FREM1: variants seen among roughly 807,000 people sequenced by gnomAD.
The protein encoded by FREM1 is FRAS1-related extracellular matrix protein 1.
Under a neutral mutation model 210.1 loss-of-function variants are expected in FREM1, and 220 were observed. The observed-to-expected ratio is 1.05, with a 90% CI of 0.94 to 1.17. FREM1 has a LOEUF of 1.17. Among genes scored for constraint, FREM1 ranks in the 50% most tolerant of loss-of-function variants. FREM1 has a pLI of 0.00. For synonymous variants in FREM1, 1,189 were observed against 980.2 expected (o/e 1.21, Z -3.98); for missense variants, 3,454 against 2,675.5 (o/e 1.29, Z -6.42).
chr9:14,752,668 T>C (rs188796616), intron 29 of FREM1, among the ~76,000 whole-genome samples: 50 of 152,270 alleles, frequency 3.3e-4, no homozygotes, highest in African/African-American at 1.1e-3. Context: ...CATGAAAAGA[T>C]AAGAGGTGGT....
Position 14,841,436 on chromosome 9 carries a change from C to G in FREM1, c.1881+11G>C. The G allele has an allele frequency of 6.3e-7, 1 of 1,578,764 alleles. No individual in the cohort carries two copies. Among genetic ancestry groups the G allele is most frequent in the Non-Finnish European group, 8.6e-7 (1 of 1,156,452 alleles). On this transcript the variant is annotated intron_variant, in intron 10 of 36. Coordinates refer to ENST00000380880, the MANE Select transcript of FREM1 (RefSeq NM_001379081.2). ...AAGACTTTGGGAAAGTGTTCAGAAACAGTCTCTTACCTGTGGCACTGAAAG... is the reference window on the plus strand; with the variant it reads ...AAGACTTTGGGAAAGTGTTCAGAAAGAGTCTCTTACCTGTGGCACTGAAAG...
At chr9:14,857,530 C>G (rs758281070) in intron 5 of FREM1, 23 bp downstream of exon 5, 3 of 1,592,838 alleles carry the variant, frequency 1.9e-6, no homozygotes, top group African/African-American at 2.7e-5. Context: ...CTGGGGGCAC[C>G]CACACATAAC....
chr9:14,748,993 A>C (rs1842907410), intron 30 of FREM1, among the ~76,000 whole-genome samples: 1 of 152,230 alleles, frequency 6.6e-6, no homozygotes, highest in Admixed American at 6.5e-5. Flanking sequence ...CTGATCAAGC[A>C]TTATTCCACA....
chr9:14,741,308 T>A (rs975835624), intron 35 of FREM1, among the ~76,000 whole-genome samples: 1 of 152,240 alleles, frequency 6.6e-6, no homozygotes, highest in Non-Finnish European at 1.5e-5. Context: ...TCTCTGCTTT[T>A]CCAGACTAGA....
At chr9:14,764,738 A>ACCCC in intron 27 of FREM1, among the ~76,000 whole-genome samples, 1 of 152,128 alleles carries the variant, frequency 6.6e-6, no homozygotes, top group South Asian at 2.1e-4. Flanking sequence ...CTATAGTGCC[A>ACCCC]ATGTTGAGAC....
intron 1 of FREM1, among the ~76,000 whole-genome samples, chr9:14,874,655 T>G (rs187913032): frequency 4.7e-4 from 71 of 152,150 alleles, no homozygotes; most frequent in African/African-American, 1.7e-3. Flanking sequence ...TTGGAGCATT[T>G]AGTCCATTGA....
chr9:14,870,327 G>A (rs555282776), intron 1 of FREM1, among the ~76,000 whole-genome samples: 42 of 152,306 alleles, frequency 2.8e-4, no homozygotes, highest in African/African-American at 8.2e-4. Context: ...CCTGAGGGGT[G>A]TACACTTTAC....
At chr9:14,873,189 G>A (rs984803623) in intron 1 of FREM1, among the ~76,000 whole-genome samples, 6 of 152,070 alleles carry the variant, frequency 3.9e-5, no homozygotes, top group Non-Finnish European at 7.4e-5. Context: ...CTCATAAAAT[G>A]AGTTAGGGAG....
At chr9:14,815,627 C>A (rs1225726785) in intron 15 of FREM1, among the ~76,000 whole-genome samples, 1 of 152,114 alleles carries the variant, frequency 6.6e-6, no homozygotes, top group Non-Finnish European at 1.5e-5. Flanking sequence ...CAGGGGGTTC[C>A]TGTAAGTCCC....
At chr9:14,868,325 C>T (rs1046865288) in intron 2 of FREM1, among the ~76,000 whole-genome samples, 1 of 152,016 alleles carries the variant, frequency 6.6e-6, no homozygotes, top group Non-Finnish European at 1.5e-5. Context: ...TAATTAGCTA[C>T]TCTATAAGGT....
intron 22 of FREM1, among the ~76,000 whole-genome samples, chr9:14,789,540 TC>T (rs780946407): frequency 6.6e-6 from 1 of 152,190 alleles, no homozygotes; most frequent in Non-Finnish European, 1.5e-5. Context: ...ATACTTTTTT[TC>T]AACATGGCTC....
At chr9:14,882,859 G>T (rs574760888) in intron 1 of FREM1, among the ~76,000 whole-genome samples, 1 of 122,606 alleles carries the variant, frequency 8.2e-6, no homozygotes, top group Non-Finnish European at 1.6e-5. Context: ...GTTGCAATGA[G>T]CTGAGATCAT....
intron 1 of FREM1, among the ~76,000 whole-genome samples, chr9:14,882,482 A>C (rs1834969814): frequency 7.1e-6 from 1 of 140,170 alleles, no homozygotes; most frequent in Non-Finnish European, 1.5e-5. Flanking sequence ...TTTTTTTGAG[A>C]TGGATTCTTG....
intron 1 of FREM1, among the ~76,000 whole-genome samples, chr9:14,880,323 G>C (rs773768025): frequency 2.0e-5 from 3 of 152,220 alleles, no homozygotes; most frequent in African/African-American, 7.2e-5. Context: ...GCAACAACAG[G>C]TCAGGTGCAG....
chr9:14,899,668 T>A (rs1368187240), intron 1 of FREM1, among the ~76,000 whole-genome samples: 2 of 152,226 alleles, frequency 1.3e-5, no homozygotes, highest in East Asian at 3.9e-4. Context: ...CTAAAATACC[T>A]TCTTAGAGTC....
chr9:14,816,818 G>T lies in FREM1; in HGVS notation c.2600C>A (p.Thr867Asn). 1 of 1,442,216 alleles carries T rather than the reference G, an allele frequency of 6.9e-7. No individual in the cohort carries two copies. Among genetic ancestry groups the T allele is most frequent in the Non-Finnish European group, 9.3e-7 (1 of 1,069,840 alleles). 89.3% of individuals were successfully genotyped at this position (1,442,216 alleles called of 1,614,324 possible). A position where few individuals can be genotyped will look rare whatever the true frequency, so the allele number is the denominator to read the frequency against. ...VLQDDLLLEVTDGTNSAEFVL... is the reference protein window; with the variant it reads ...VLQDDLLLEVNDGTNSAEFVL... ...AAATTCTGCTGAATTTGTGCCATCG[G>T]TGACCTCCAAGAGTAGGTCATCCTG... Residue 867 changes from threonine (T) to asparagine (N), a missense_variant, in exon 15 of 37, where the codon ACC (threonine) becomes AAC (asparagine). Physicochemically the swap from Thr to Asn is moderately conservative, Grantham distance 65 (BLOSUM62 0). Transcript: ENST00000380880.
At chr9:14,864,227 G>A (rs1015246272) in intron 2 of FREM1, among the ~76,000 whole-genome samples, 2 of 152,168 alleles carry the variant, frequency 1.3e-5, no homozygotes, top group South Asian at 4.2e-4. Context: ...TTCATTTTTC[G>A]AAATTTTATT....
intron 1 of FREM1, among the ~76,000 whole-genome samples, chr9:14,880,108 G>A (rs144570170): frequency 1.3e-5 from 2 of 152,030 alleles, no homozygotes; most frequent in African/African-American, 4.8e-5. Context: ...TCTCTCTCCG[G>A]CCATGTGAGG....
chr9:14,860,776 TATATAC>T (rs1829875603), intron 3 of FREM1, among the ~76,000 whole-genome samples: 2 of 101,506 alleles, frequency 2.0e-5, no homozygotes, highest in Admixed American at 1.1e-4. Context: ...TATATACACA[TATATAC>T]ATATATACAT....
Sources: gnomAD v4.1 joint callset for allele counts (sites outside exome capture counted in the v4.1 genomes callset) on GRCh38, gnomAD v4.1.1 for gene constraint, MANE v1.5 for transcripts, NCBI Gene and HGNC (gene_info 2026-07-23, HGNC 2026-07-21) for gene names.